Variants in NELL1 observed in about 807,000 individuals in gnomAD.
NELL1 encodes neural EGFL like 1.
NELL1 carries 76 observed loss-of-function variants against 107.4 expected under a neutral mutation model. That is an observed-to-expected ratio of 0.71 (90% CI 0.59 to 0.86). The LOEUF (loss-of-function observed/expected upper bound fraction) is 0.86. NELL1 is among the 40% of genes least tolerant of loss of function. The pLI is 0.00. For missense variants in NELL1, 1,024 were observed against 1,005.5 expected (o/e 1.02, Z -0.25); for synonymous variants, 353 against 341.2 (o/e 1.03, Z -0.38).
intron 12 of NELL1, among the ~76,000 whole-genome samples, chr11:21,091,921 G>A (rs1467436325): frequency 1.3e-5 from 2 of 152,190 alleles, no homozygotes; most frequent in South Asian, 2.1e-4. Context: ...ACCATAGGGG[G>A]CCTAGTGTAA....
chr11:21,350,656 A>G (rs750201307), intron 14 of NELL1, among the ~76,000 whole-genome samples: 16 of 152,180 alleles, frequency 1.1e-4, no homozygotes, highest in Non-Finnish European at 2.1e-4. Context: ...TTATTCAATA[A>G]GGAGTGATTG....
intron 7 of NELL1, among the ~76,000 whole-genome samples, chr11:20,924,837 A>G (rs535542318): frequency 6.6e-6 from 1 of 152,336 alleles, no homozygotes; most frequent in African/African-American, 2.4e-5. Flanking sequence ...AGTAAAGATA[A>G]GTGATAAGTT....
intron 13 of NELL1, among the ~76,000 whole-genome samples, chr11:21,210,614 A>G (rs1270638466): frequency 6.6e-6 from 1 of 152,110 alleles, no homozygotes; most frequent in Non-Finnish European, 1.5e-5. Context: ...TTCTTTATAT[A>G]TTCTAGATTC....
chr11:20,689,442 C>CCA (rs1379161784), intron 2 of NELL1, among the ~76,000 whole-genome samples: 137 of 111,166 alleles, frequency 1.2e-3, no homozygotes, highest in Middle Eastern at 6.3e-3. Context: ...CCCCTCCCCC[C>CCA]ACCCCACAAC....
intron 2 of NELL1, among the ~76,000 whole-genome samples, chr11:20,747,255 C>T (rs7120234): frequency 0.035 from 5,304 of 152,146 alleles, 298 homozygotes; most frequent in African/African-American, 0.12. Context: ...ATATTTTGTA[C>T]GATACATTTT....
At chr11:21,506,532 T>C (rs181064050) in intron 15 of NELL1, among the ~76,000 whole-genome samples, 1 of 152,220 alleles carries the variant, frequency 6.6e-6, no homozygotes, top group Non-Finnish European at 1.5e-5. Context: ...TTTTGACATA[T>C]TCTCACTGTG....
intron 15 of NELL1, among the ~76,000 whole-genome samples, chr11:21,531,896 T>C (rs1286791384): frequency 6.6e-6 from 1 of 152,148 alleles, no homozygotes; most frequent in Non-Finnish European, 1.5e-5. Context: ...CTCCAAGTGT[T>C]TTCTATATTT....
chr11:21,143,808 C>A (rs34361009), intron 13 of NELL1, among the ~76,000 whole-genome samples: 1 of 151,984 alleles, frequency 6.6e-6, no homozygotes, highest in African/African-American at 2.4e-5. Context: ...TATAAAGTCC[C>A]GGCAAGATGA....
At chr11:21,130,517 T>A (rs185012262) in intron 13 of NELL1, among the ~76,000 whole-genome samples, 1 of 152,196 alleles carries the variant, frequency 6.6e-6, no homozygotes, top group Non-Finnish European at 1.5e-5. Flanking sequence ...TAACAAGGCC[T>A]CCACATCTAA....
At chr11:20,881,568 T>C (rs1849408133) in intron 4 of NELL1, among the ~76,000 whole-genome samples, 1 of 152,228 alleles carries the variant, frequency 6.6e-6, no homozygotes, top group Non-Finnish European at 1.5e-5. Context: ...AAGCCCTCAA[T>C]ACACAATGTC....
chr11:21,435,278 G>GT lies in NELL1; in HGVS notation c.1645+64337dup, dbSNP rs1268482539. On this transcript the variant is annotated intron_variant, in intron 15 of 19. Transcript: ENST00000357134. ...TCTTCTTCCAGCAATTAGAGGAAAG[G>GT]TTTTTTTAGCATTTCCACACTCAGG... 3.9e-5 allele frequency among the ~76,000 whole-genome samples: 6 copies of GT among 151,988 alleles called. No homozygotes were observed. The East Asian group carries it at 9.6e-4, about 24-fold the overall frequency.
At chr11:21,304,194 A>G (rs1342476844) in intron 14 of NELL1, among the ~76,000 whole-genome samples, 2 of 152,060 alleles carry the variant, frequency 1.3e-5, no homozygotes, top group African/African-American at 2.4e-5. Flanking sequence ...CTAATGAGAT[A>G]CAAAGCCAAA....
At chr11:21,441,377 G>T (rs934958249) in intron 15 of NELL1, among the ~76,000 whole-genome samples, 2 of 126,758 alleles carry the variant, frequency 1.6e-5, no homozygotes, top group South Asian at 5.0e-4. Context: ...GTGTGTGTGT[G>T]TGTGTTCTAT....
intron 2 of NELL1, among the ~76,000 whole-genome samples, chr11:20,700,652 T>G (rs928352786): frequency 6.6e-6 from 1 of 151,928 alleles, no homozygotes; most frequent in Non-Finnish European, 1.5e-5. Flanking sequence ...ATGCTATCTG[T>G]CCCCCCTTCC....
At chr11:20,785,929 C>T (rs1856944745) in intron 3 of NELL1, among the ~76,000 whole-genome samples, 1 of 151,750 alleles carries the variant, frequency 6.6e-6, no homozygotes, top group Non-Finnish European at 1.5e-5. Context: ...TTTTTGTTGC[C>T]ATGTGAGGCT....
chr11:21,009,522 A>C (rs1852402220), intron 12 of NELL1, among the ~76,000 whole-genome samples: 1 of 152,010 alleles, frequency 6.6e-6, no homozygotes, highest in African/African-American at 2.4e-5. Context: ...AAGGGTGCAT[A>C]ATTGGTTACC....
intron 2 of NELL1, among the ~76,000 whole-genome samples, chr11:20,721,234 T>TTATATATATATTTTGTTTATA (rs1554906601): frequency 1.4e-5 from 2 of 138,852 alleles, no homozygotes; most frequent in Admixed American, 7.2e-5. Flanking sequence ...TATATTTTGT[T>TTATATATATATTTTGTTTATA]TATATATATA....
intron 15 of NELL1, among the ~76,000 whole-genome samples, chr11:21,413,738 A>G (rs1852435267): frequency 6.6e-6 from 1 of 152,078 alleles, no homozygotes; most frequent in South Asian, 2.1e-4. Flanking sequence ...GGAATAGCAA[A>G]GCAATTTCTC....
chr11:21,393,112 G>A (rs1354692776), intron 15 of NELL1, among the ~76,000 whole-genome samples: 2 of 151,556 alleles, frequency 1.3e-5, no homozygotes, highest in African/African-American at 4.8e-5. Flanking sequence ...TGTAAATAAG[G>A]GGAAATGGGA....
Sources: gnomAD v4.1 joint callset for allele counts (sites outside exome capture counted in the v4.1 genomes callset) on GRCh38, gnomAD v4.1.1 for gene constraint, MANE v1.5 for transcripts, NCBI Gene and HGNC (gene_info 2026-07-23, HGNC 2026-07-21) for gene names.